The following CFDP1 variants were observed in gnomAD, a reference collection of about 807,000 sequenced individuals.
CFDP1 encodes the protein chromatin remodeling protein CFDP1.
Under a neutral mutation model 40.1 loss-of-function variants are expected in CFDP1, and 31 were observed. The ratio of observed to expected loss-of-function variants is 0.77; its 90% CI spans 0.58 to 1.04. CFDP1 has a LOEUF of 1.04. Ranked by LOEUF, CFDP1 falls within the 50% of genes least tolerant of loss-of-function variation. The probability of loss-of-function intolerance (pLI) is 0.00; values close to 1 mark genes in which losing one functional copy is unlikely to be tolerated. For missense variants in CFDP1, 423 were observed against 343.4 expected (o/e 1.23, Z -1.83); for synonymous variants, 167 against 120.0 (o/e 1.39, Z -2.56).
intron 5 of CFDP1, among the ~76,000 whole-genome samples, chr16:75,379,344 A>AGAG (rs1555561116): frequency 6.7e-6 from 1 of 149,228 alleles, no homozygotes; most frequent in East Asian, 2.0e-4. Flanking sequence ...CCAAAAAAAA[A>AGAG]AGAGAGAGAG....
In CFDP1 at chr16:75,305,137, A is replaced by T. The variant is rs116921204; in HGVS notation, c.696T>A (p.Gly232=). Residue 232 remains glycine, a synonymous_variant, in exon 6 of 7, where the codon GGT becomes GGA. Transcript: ENST00000283882. ...SGMSSLLGKI[G]AKKQKMSTLE... ...GGGTGCTCATTTTCTGCTTCTTGGCACCAATTTTCCCCAAAAGGCTGCTCA... is the reference window on the plus strand; with the variant it reads ...GGGTGCTCATTTTCTGCTTCTTGGCTCCAATTTTCCCCAAAAGGCTGCTCA... The T allele has an allele frequency of 1.1e-5, 17 of 1,614,074 alleles. No individual in the cohort carries two copies. Among genetic ancestry groups the T allele is most frequent in the African/African-American group, 4.0e-5 (3 of 75,016 alleles).
intron 5 of CFDP1, among the ~76,000 whole-genome samples, chr16:75,317,886 A>T (rs190453995): frequency 6.6e-6 from 1 of 151,968 alleles, no homozygotes; most frequent in Non-Finnish European, 1.5e-5. Context: ...TGAGGTGGGT[A>T]GATTACCTAA....
At chr16:75,342,969 G>T (rs1358209453) in intron 5 of CFDP1, among the ~76,000 whole-genome samples, 1 of 152,104 alleles carries the variant, frequency 6.6e-6, no homozygotes, top group African/African-American at 2.4e-5. Context: ...AGGTGAGATG[G>T]CACCCCCTCA....
intron 6 of CFDP1, among the ~76,000 whole-genome samples, chr16:75,303,597 G>A (rs1263256576): frequency 6.6e-6 from 1 of 150,800 alleles, no homozygotes; most frequent in Admixed American, 6.6e-5. Context: ...AGGAGGCCGA[G>A]GCAGGAGGAT....
chr16:75,429,820 G>A (rs965087774), intron 1 of CFDP1, among the ~76,000 whole-genome samples: 1 of 152,170 alleles, frequency 6.6e-6, no homozygotes, highest in African/African-American at 2.4e-5. Flanking sequence ...AATTAGCAGT[G>A]TCGACGAAAA....
At chr16:75,399,383 C>T (rs1422473948) in intron 4 of CFDP1, among the ~76,000 whole-genome samples, 2 of 152,126 alleles carry the variant, frequency 1.3e-5, no homozygotes, top group Non-Finnish European at 2.9e-5. Context: ...TAATGAAGAA[C>T]AAGTAGAAAC....
At chr16:75,391,370 A>G (rs2078948916) in intron 5 of CFDP1, 1 of 152,236 alleles carries the variant, frequency 6.6e-6, no homozygotes, top group African/African-American at 2.4e-5. Flanking sequence ...TAATAATACC[A>G]CATACAAACC....
At chr16:75,421,565 C>CCAA (rs2079280944) in intron 1 of CFDP1, among the ~76,000 whole-genome samples, 1 of 151,962 alleles carries the variant, frequency 6.6e-6, no homozygotes, top group African/African-American at 2.4e-5. Context: ...TTCTAGTGCC[C>CCAA]CAAGCATAAA....
At chr16:75,344,033 C>T (rs1185612800) in intron 5 of CFDP1, among the ~76,000 whole-genome samples, 1 of 152,158 alleles carries the variant, frequency 6.6e-6, no homozygotes, top group Non-Finnish European at 1.5e-5. Context: ...ATTAAAGCAG[C>T]ACGAATAATT....
chr16:75,357,399 T>G (rs528552844), intron 5 of CFDP1, among the ~76,000 whole-genome samples: 1 of 152,088 alleles, frequency 6.6e-6, no homozygotes, highest in South Asian at 2.1e-4. Context: ...GGACTACAGG[T>G]GTGCACCACC....
At chr16:75,408,293 C>T (rs985327261) in intron 4 of CFDP1, among the ~76,000 whole-genome samples, 3 of 151,880 alleles carry the variant, frequency 2.0e-5, no homozygotes, top group African/African-American at 4.8e-5. Flanking sequence ...CTGTGTTACA[C>T]CCTGGCAGAT....
At chr16:75,360,401 G>C (rs1308836305) in intron 5 of CFDP1, among the ~76,000 whole-genome samples, 1 of 152,170 alleles carries the variant, frequency 6.6e-6, no homozygotes, top group Non-Finnish European at 1.5e-5. Context: ...GCCAATCTAT[G>C]ACAATCTGAG....
intron 1 of CFDP1, among the ~76,000 whole-genome samples, chr16:75,425,270 C>T (rs1400332642): frequency 6.6e-6 from 1 of 151,578 alleles, no homozygotes; most frequent in Non-Finnish European, 1.5e-5. Flanking sequence ...GTCTGTAGTA[C>T]CAGCTACACA....
At chr16:75,413,586 A>C (rs1042748832) in intron 2 of CFDP1, among the ~76,000 whole-genome samples, 1 of 151,964 alleles carries the variant, frequency 6.6e-6, no homozygotes, top group Non-Finnish European at 1.5e-5. Context: ...ATTCAAGGAC[A>C]AAAAAACTGG....
rs192329662 is a variant in CFDP1 at position 75,415,628 on chromosome 16, T to C, written c.65-933A>G. ...CAACAGAAGCCTGCAGTGTGTACTC[T>C]TCTGTGTCTGGCTTCTTTTATTCAA... On this transcript the variant is annotated intron_variant, in intron 1 of 6. Coordinates refer to ENST00000283882, the MANE Select transcript of CFDP1 (RefSeq NM_006324.3). Among the ~76,000 whole-genome samples, 17 of 152,364 alleles carry C rather than the reference T, an allele frequency of 1.1e-4. No homozygotes were observed. In the East Asian group the frequency reaches 2.9e-3, roughly 26 times the overall value.
intron 5 of CFDP1, among the ~76,000 whole-genome samples, chr16:75,310,339 T>A (rs2078287379): frequency 6.6e-6 from 1 of 152,182 alleles, no homozygotes. Flanking sequence ...TCAGCAATTA[T>A]CAACTCCCTT....
intron 5 of CFDP1, 169 bp downstream of exon 5, chr16:75,394,921 C>T (rs2078983619): frequency 1.2e-6 from 1 of 821,464 alleles, no homozygotes; most frequent in South Asian, 1.9e-5. Context: ...AAAGTTATGG[C>T]TAATTTTCCT....
chr16:75,430,547 C>T (rs868335933), intron 1 of CFDP1, among the ~76,000 whole-genome samples: 69 of 152,166 alleles, frequency 4.5e-4, no homozygotes, highest in African/African-American at 1.6e-3. Flanking sequence ...TCACTGCAAC[C>T]CCCACCTCTT....
rs773426715 is a variant in CFDP1 at position 75,433,384 on chromosome 16, A to G, written c.-32T>C. On this transcript the variant is annotated 5_prime_UTR_variant, in exon 1 of 7. Coordinates refer to ENST00000283882, the MANE Select transcript of CFDP1 (RefSeq NM_006324.3). Reference sequence around the variant, plus strand: ...GCCGCTCGACGCTGGTCAAACTCACAAGACCGCAGCAGCCGCCTCCAACGG... The same window carrying G: ...GCCGCTCGACGCTGGTCAAACTCACGAGACCGCAGCAGCCGCCTCCAACGG... The G allele has an allele frequency of 2.5e-6, 4 of 1,569,244 alleles. No homozygotes were observed. Among genetic ancestry groups the G allele is most frequent in the South Asian group, 1.2e-5 (1 of 86,762 alleles).
Sources: gnomAD v4.1 joint callset for allele counts (sites outside exome capture counted in the v4.1 genomes callset) on GRCh38, gnomAD v4.1.1 for gene constraint, MANE v1.5 for transcripts, NCBI Gene and HGNC (gene_info 2026-07-23, HGNC 2026-07-21) for gene names.